The following TULP4 variants were observed in gnomAD, a reference collection of about 807,000 sequenced individuals.
The protein encoded by TULP4 is TUB like protein 4.
In TULP4, 16 loss-of-function variants were observed where a neutral mutation model predicts 129.0. The ratio of observed to expected loss-of-function variants is 0.12; its 90% CI spans 0.08 to 0.19. The LOEUF is 0.19. Among genes scored for constraint, TULP4 ranks in the 10% least tolerant of loss-of-function variants. The pLI is 1.00. For missense variants in TULP4, 1,842 were observed against 2,059.1 expected (o/e 0.89, Z 2.04); for synonymous variants, 998 against 854.0 (o/e 1.17, Z -2.94).
rs138416598 is a variant in TULP4 at position 158,415,896 on chromosome 6, G to A, written c.381+2703G>A. The stretch of plus-strand genomic sequence containing the variant: ...ACGAGGTAAAATCCCATGATAGGCC[G>A]TCTGCAAGTTGAGGGGCAAGGAAGC... On this transcript the variant is annotated intron_variant, in intron 2 of 13. Coordinates refer to ENST00000367097, the MANE Select transcript of TULP4 (RefSeq NM_020245.5). Among the ~76,000 whole-genome samples, 254 of 152,274 alleles carry A rather than the reference G, an allele frequency of 1.7e-3. 1 individual carries two copies. Among genetic ancestry groups the A allele is most frequent in the African/African-American group, 5.5e-3 (230 of 41,556 alleles).
At chr6:158,274,347 G>A (rs961483986) in intron 1 of TULP4, among the ~76,000 whole-genome samples, 1 of 152,186 alleles carries the variant, frequency 6.6e-6, no homozygotes, top group East Asian at 1.9e-4. Flanking sequence ...TCTCTAATGA[G>A]CATCTTAGTG....
intron 2 of TULP4, among the ~76,000 whole-genome samples, chr6:158,421,820 T>A (rs549441389): frequency 6.6e-6 from 1 of 152,272 alleles, no homozygotes; most frequent in South Asian, 2.1e-4. Context: ...GGAAAGTAAA[T>A]CATGATATAT....
At chr6:158,426,303 C>T (rs1410018021) in intron 2 of TULP4, among the ~76,000 whole-genome samples, 1 of 152,132 alleles carries the variant, frequency 6.6e-6, no homozygotes, top group Non-Finnish European at 1.5e-5. Flanking sequence ...TTGCCCGTTC[C>T]TATGTCCAGA....
intron 1 of TULP4, among the ~76,000 whole-genome samples, chr6:158,363,290 T>C (rs1780843267): frequency 6.6e-6 from 1 of 152,158 alleles, no homozygotes; most frequent in South Asian, 2.1e-4. Context: ...GAGATGACTT[T>C]ATTGGGGAAT....
chr6:158,286,469 T>C (rs554768924), intron 1 of TULP4, among the ~76,000 whole-genome samples: 2 of 152,342 alleles, frequency 1.3e-5, no homozygotes, highest in South Asian at 2.1e-4. Flanking sequence ...GAGAGTAAAC[T>C]TTTTATTACA....
chr6:158,400,676 CT>C (rs1777822063), intron 1 of TULP4, among the ~76,000 whole-genome samples: 1 of 152,094 alleles, frequency 6.6e-6, no homozygotes, highest in African/African-American at 2.4e-5. Context: ...TATTTTCACT[CT>C]TTGGTTTTTT....
chr6:158,242,122 A>ACT, intron 1 of TULP4: 1 of 876,342 alleles, frequency 1.1e-6, no homozygotes, highest in South Asian at 1.3e-5. Context: ...AAGCTGCAGA[A>ACT]TATAGGCCAT....
chr6:158,442,385 G>A (rs1778917246), intron 3 of TULP4, among the ~76,000 whole-genome samples: 1 of 152,112 alleles, frequency 6.6e-6, no homozygotes, highest in Admixed American at 6.6e-5. Context: ...ACCTTACTAT[G>A]GCACTAGGAC....
intron 1 of TULP4, among the ~76,000 whole-genome samples, chr6:158,329,389 G>C (rs1245615730): frequency 2.0e-5 from 3 of 147,456 alleles, no homozygotes; most frequent in Non-Finnish European, 4.5e-5. Context: ...AGATTTGTAT[G>C]TTTTAGCTCT....
intron 1 of TULP4, among the ~76,000 whole-genome samples, chr6:158,259,546 A>G (rs1229255093): frequency 3.3e-5 from 5 of 152,162 alleles, no homozygotes; most frequent in Non-Finnish European, 7.3e-5. Context: ...GCAGTTTTGA[A>G]CCACTATTAA....
rs117200736 is a variant in TULP4 at position 158,424,867 on chromosome 6, A to T, written c.382-4869A>T. Among the ~76,000 whole-genome samples, 367 of 152,076 alleles carry T rather than the reference A, an allele frequency of 2.4e-3. 1 individual carries two copies. Among genetic ancestry groups the T allele is most frequent in the Non-Finnish European group, 3.8e-3 (260 of 67,992 alleles). On this transcript the variant is annotated intron_variant, in intron 2 of 13. Coordinates refer to ENST00000367097, the MANE Select transcript of TULP4 (RefSeq NM_020245.5). ...TCATTATGGAAATGCAAGTTAGACA[A>T]TGTCGGCTGGGCACGGTGGCTCGTA... is the stretch of plus-strand genomic sequence containing the variant.
intron 1 of TULP4, among the ~76,000 whole-genome samples, chr6:158,258,481 A>G (rs1302342082): frequency 6.6e-6 from 1 of 152,190 alleles, no homozygotes; most frequent in Admixed American, 6.5e-5. Flanking sequence ...GAGTTGGTGT[A>G]GAAAATAGTG....
chr6:158,440,381 C>T (rs1778863974), intron 3 of TULP4, among the ~76,000 whole-genome samples: 1 of 150,354 alleles, frequency 6.7e-6, no homozygotes, highest in Admixed American at 6.6e-5. Flanking sequence ...TGGTCAGCTT[C>T]TACACTGGAA....
chr6:158,382,014 T>C (rs573266856), intron 1 of TULP4, among the ~76,000 whole-genome samples: 25 of 152,304 alleles, frequency 1.6e-4, no homozygotes, highest in Non-Finnish European at 3.2e-4. Context: ...ATCTTTGACA[T>C]CTGGCATAAT....
intron 1 of TULP4, among the ~76,000 whole-genome samples, chr6:158,236,964 C>T (rs1777723301): frequency 6.6e-6 from 1 of 151,772 alleles, no homozygotes; most frequent in East Asian, 1.9e-4. Flanking sequence ...GTGCGTGCCA[C>T]CACACCCAGC....
rs140364565 is a variant in TULP4, at chr6:158,269,159, A to C, written n.68+36856A>C. Among the ~76,000 whole-genome samples, 203 of 152,270 alleles carry C rather than the reference A, an allele frequency of 1.3e-3. 2 individuals carry two copies. In the East Asian group the frequency reaches 0.033, roughly 25 times the overall value. On this transcript the variant is annotated intron_variant and non_coding_transcript_variant, in intron 1 of 1. Transcript: ENST00000620026. ...GAGAATAGAGTTGGCCTAGGTTCAT[A>C]CATTGTTTTGTTCTCACCAGATAAT... is the stretch of plus-strand genomic sequence containing the variant.
chr6:158,498,545 C>G, intron 11 of TULP4, 124 bp from the exon 12 acceptor site: 2 of 1,231,482 alleles, frequency 1.6e-6, no homozygotes, highest in Non-Finnish European at 1.2e-6. Context: ...TGGGCCCTGC[C>G]TACACAGATC....
chr6:158,377,631 A>T (rs558892701), intron 1 of TULP4, among the ~76,000 whole-genome samples: 4 of 152,228 alleles, frequency 2.6e-5, no homozygotes, highest in African/African-American at 9.6e-5. Context: ...GATGAGCATG[A>T]TAGGGCTCCT....
chr6:158,250,166 T>G (rs1778112854), intron 1 of TULP4, among the ~76,000 whole-genome samples: 1 of 151,434 alleles, frequency 6.6e-6, no homozygotes, highest in African/African-American at 2.4e-5. Context: ...TCTTTTTTTT[T>G]TTTTTGTTTT....
Sources: gnomAD v4.1 joint callset for allele counts (sites outside exome capture counted in the v4.1 genomes callset) on GRCh38, gnomAD v4.1.1 for gene constraint, MANE v1.5 for transcripts, NCBI Gene and HGNC (gene_info 2026-07-23, HGNC 2026-07-21) for gene names.